SCML4: variants seen among roughly 807,000 people sequenced by gnomAD.
SCML4 encodes sex comb on midleg-like protein 4.
A neutral mutation model predicts 41.1 loss-of-function variants in SCML4; 34 were observed. That is an observed-to-expected ratio of 0.83 (90% CI 0.63 to 1.10). The LOEUF (loss-of-function observed/expected upper bound fraction) is 1.10. Among genes scored for constraint, SCML4 ranks in the 50% least tolerant of loss-of-function variants. The probability of loss-of-function intolerance (pLI) is 0.00; values close to 1 mark genes in which losing one functional copy is unlikely to be tolerated. For missense variants in SCML4, 522 were observed against 534.1 expected (o/e 0.98, Z 0.22); for synonymous variants, 214 against 220.9 (o/e 0.97, Z 0.28).
intron 2 of SCML4, 133 bp from the exon 3 acceptor site, chr6:107,749,946 G>T: frequency 1.2e-6 from 1 of 851,264 alleles, no homozygotes; most frequent in South Asian, 1.6e-5. Flanking sequence ...GCAGTTTCGG[G>T]GCCTGAGCTG....
rs569662203 is a variant in SCML4, at chr6:107,719,412, C to T, written c.973+1291G>A. 218 of 152,446 alleles carry T rather than the reference C, an allele frequency of 1.4e-3. 2 individuals carry two copies. The highest frequency in any genetic ancestry group is 1.8e-3 in the Non-Finnish European group (126 of 68,140). The allele number at this position is 152,446 out of a possible 1,614,324, so 9.4% of individuals were successfully genotyped here. On this transcript the variant is annotated intron_variant, in intron 6 of 7. Coordinates refer to ENST00000369020, the MANE Select transcript of SCML4 (RefSeq NM_198081.5). ...AATCATACAAAATAGCTCACGTGTGCGGCTTGCTGGGGTCACTGGTGGAAG... is the reference window on the plus strand; with the variant it reads ...AATCATACAAAATAGCTCACGTGTGTGGCTTGCTGGGGTCACTGGTGGAAG...
intron 2 of SCML4, among the ~76,000 whole-genome samples, chr6:107,769,101 G>A (rs1780303099): frequency 1.3e-5 from 2 of 152,206 alleles, no homozygotes; most frequent in Non-Finnish European, 2.9e-5. Context: ...CATGAACAAG[G>A]CTATCTTCAT....
intron 2 of SCML4, among the ~76,000 whole-genome samples, chr6:107,751,602 CTT>C (rs1562218708): frequency 7.0e-6 from 1 of 142,328 alleles, no homozygotes; most frequent in Non-Finnish European, 1.5e-5. Flanking sequence ...TTCTTTCTTT[CTT>C]TCTTTCTTTC....
chr6:107,810,439 G>A (rs1784073808), intron 1 of SCML4, among the ~76,000 whole-genome samples: 1 of 152,136 alleles, frequency 6.6e-6, no homozygotes, highest in Admixed American at 6.5e-5. Context: ...GGCAGAGAGG[G>A]GCGTTGAGTG....
At chr6:107,754,108 G>A (rs971846317) in intron 2 of SCML4, among the ~76,000 whole-genome samples, 1 of 152,202 alleles carries the variant, frequency 6.6e-6, no homozygotes, top group African/African-American at 2.4e-5. Flanking sequence ...AGAAATGAAT[G>A]TGAAATGAGA....
chr6:107,720,496 C>A, intron 6 of SCML4: 1 of 1,351,614 alleles, frequency 7.4e-7, no homozygotes, highest in Non-Finnish European at 9.5e-7. Flanking sequence ...CTAGCCTGCC[C>A]TAATACACGA....
At chr6:107,777,075 G>T (rs1310514229) in intron 1 of SCML4, among the ~76,000 whole-genome samples, 1 of 152,146 alleles carries the variant, frequency 6.6e-6, no homozygotes, top group Non-Finnish European at 1.5e-5. Flanking sequence ...ACTAAAAGAT[G>T]CTCTTCCTTT....
At chr6:107,822,942 A>T (rs1215602911) in intron 1 of SCML4, among the ~76,000 whole-genome samples, 1 of 151,862 alleles carries the variant, frequency 6.6e-6, no homozygotes, top group Non-Finnish European at 1.5e-5. Flanking sequence ...TATACCCCCC[A>T]GATAGTTTAA....
intron 6 of SCML4, among the ~76,000 whole-genome samples, chr6:107,712,689 G>A (rs1424248385): frequency 2.0e-5 from 3 of 152,108 alleles, no homozygotes. Flanking sequence ...ACATAGATTC[G>A]CTTTAGAAAG....
At chr6:107,771,684 T>C (rs1780532186) in intron 2 of SCML4, among the ~76,000 whole-genome samples, 1 of 152,204 alleles carries the variant, frequency 6.6e-6, no homozygotes, top group Non-Finnish European at 1.5e-5. Context: ...TGACTCTCTG[T>C]GTTGAGGTTC....
intron 2 of SCML4, among the ~76,000 whole-genome samples, chr6:107,756,146 C>A (rs1779091253): frequency 6.6e-6 from 1 of 152,102 alleles, no homozygotes; most frequent in Non-Finnish European, 1.5e-5. Flanking sequence ...AAGTGCAATT[C>A]CCTACTCCTT....
At chr6:107,817,573 A>G (rs1784632056) in intron 1 of SCML4, among the ~76,000 whole-genome samples, 1 of 136,768 alleles carries the variant, frequency 7.3e-6, no homozygotes, top group African/African-American at 2.6e-5. Flanking sequence ...GTGAGCTGAG[A>G]TCGCACCACT....
chr6:107,803,640 G>A (rs1434138310), intron 1 of SCML4, among the ~76,000 whole-genome samples: 1 of 145,330 alleles, frequency 6.9e-6, no homozygotes, highest in Non-Finnish European at 1.5e-5. Flanking sequence ...TTGAGAAATC[G>A]GATGGTTGCC....
intron 1 of SCML4, among the ~76,000 whole-genome samples, chr6:107,802,683 TCCCTCC>T (rs150387443): frequency 0.96 from 100,025 of 104,060 alleles, 48,119 homozygotes; most frequent in Non-Finnish European, 0.99. Context: ...CCTCTCCCTC[TCCCTCC>T]CCCTCCTCTC....
intron 1 of SCML4, among the ~76,000 whole-genome samples, chr6:107,785,196 ATTC>A (rs1343263620): frequency 6.6e-6 from 1 of 152,126 alleles, no homozygotes; most frequent in Non-Finnish European, 1.5e-5. Context: ...CAAGGAGTGC[ATTC>A]TTCTTCTATG....
rs78199394 is a variant in SCML4, at chr6:107,819,868, G to T, written c.-60+4258C>A. Among the ~76,000 whole-genome samples, 594 of 152,298 alleles carry T rather than the reference G, an allele frequency of 3.9e-3. 2 individuals carry two copies. Among genetic ancestry groups the T allele is most frequent in the African/African-American group, 0.014 (576 of 41,554 alleles). ...CAAAATCTACTCCCATTACTTCAGA[G>T]TGTCAAATGGACTGAGTGGAATGAC... On this transcript the variant is annotated intron_variant, in intron 1 of 7. Coordinates refer to ENST00000369020, the MANE Select transcript of SCML4 (RefSeq NM_198081.5).
At chr6:107,754,699 C>T (rs923972874) in intron 2 of SCML4, among the ~76,000 whole-genome samples, 2 of 152,196 alleles carry the variant, frequency 1.3e-5, no homozygotes, top group Non-Finnish European at 2.9e-5. Context: ...ACTTGTGATT[C>T]TTCCCTAGAA....
In SCML4 at chr6:107,755,660, G is replaced by C; in HGVS notation, c.157-5847C>G. 1.6e-6 allele frequency: 2 copies of C among 1,277,934 alleles called. 1 individual carries two copies. The highest frequency in any genetic ancestry group is 4.7e-4 in the Middle Eastern group (2 of 4,292). 79.2% of individuals were successfully genotyped at this position (1,277,934 alleles called of 1,614,324 possible). ...GGCATTTGTCTTTGTTGTTGCCTTA[G>C]GTTTCTAAAAAAAAAAAAAAAGCTG... is the stretch of plus-strand genomic sequence containing the variant. On this transcript the variant is annotated intron_variant, in intron 2 of 7. Transcript: ENST00000369020.
At chr6:107,778,222 AATATATATATATAT>A (rs1163805768) in intron 1 of SCML4, among the ~76,000 whole-genome samples, 241 of 15,240 alleles carry the variant, frequency 0.016, 5 homozygotes, top group African/African-American at 0.02. Context: ...AAAAAAAAAA[AATATATATATATAT>A]ATATATATAT....
Sources: gnomAD v4.1 joint callset for allele counts (sites outside exome capture counted in the v4.1 genomes callset) on GRCh38, gnomAD v4.1.1 for gene constraint, MANE v1.5 for transcripts, NCBI Gene and HGNC (gene_info 2026-07-23, HGNC 2026-07-21) for gene names.